The following SPATS2 variants were observed in gnomAD, a reference collection of about 807,000 sequenced individuals.
SPATS2 encodes the protein spermatogenesis associated serine rich 2.
Under a neutral mutation model 63.7 loss-of-function variants are expected in SPATS2, and 38 were observed. The observed-to-expected ratio is 0.60, with a 90% CI of 0.46 to 0.78. SPATS2 has a LOEUF of 0.78. Among genes scored for constraint, SPATS2 ranks in the 30% least tolerant of loss-of-function variants. The pLI is 0.00. For synonymous variants in SPATS2, 207 were observed against 232.9 expected (o/e 0.89, Z 1.01); for missense variants, 588 against 666.2 (o/e 0.88, Z 1.29).
At chr12:49,367,354 G>C (rs1438221793), upstream of SPATS2, 1 of 391,912 alleles carries the variant, frequency 2.6e-6, no homozygotes, top group Admixed American at 4.5e-5. Flanking sequence ...GGGGTGATCT[G>C]CTGGATCTCC....
intron 2 of SPATS2, among the ~76,000 whole-genome samples, chr12:49,454,877 C>CT (rs202124315): frequency 7.4e-6 from 1 of 135,116 alleles, no homozygotes; most frequent in Non-Finnish European, 1.6e-5. Context: ...GAGGCTCTGT[C>CT]TTTAAAAAAA....
chr12:49,514,432 A>G (rs1202273108), intron 9 of SPATS2, 123 bp from the exon 10 acceptor site: 4 of 784,516 alleles, frequency 5.1e-6, no homozygotes, highest in African/African-American at 3.5e-5. Context: ...GATCCATACA[A>G]TATTATTTTT....
chr12:49,410,414 GA>G (rs1463297706), intron 2 of SPATS2, among the ~76,000 whole-genome samples: 13 of 152,022 alleles, frequency 8.6e-5, no homozygotes. Flanking sequence ...CCATGTATCT[GA>G]AAAAAAGTTG....
intron 2 of SPATS2, among the ~76,000 whole-genome samples, chr12:49,414,497 G>A (rs922817121): frequency 6.6e-6 from 1 of 152,100 alleles, no homozygotes; most frequent in Non-Finnish European, 1.5e-5. Flanking sequence ...ATATTTATCT[G>A]GTCCTTTGCA....
intron 2 of SPATS2, among the ~76,000 whole-genome samples, chr12:49,445,024 A>G (rs1945487238): frequency 6.6e-6 from 1 of 152,198 alleles, no homozygotes. Context: ...GATTTTCTGT[A>G]TATGGGTCAT....
At chr12:49,458,189 C>T (rs1171244088) in intron 2 of SPATS2, among the ~76,000 whole-genome samples, 1 of 152,144 alleles carries the variant, frequency 6.6e-6, no homozygotes, top group African/African-American at 2.4e-5. Flanking sequence ...TATTTTTCAG[C>T]CAGGCATGGT....
At chr12:49,516,162 AAAAAATATATATAT>A (rs1946840967) in intron 10 of SPATS2, among the ~76,000 whole-genome samples, 3 of 25,108 alleles carry the variant, frequency 1.2e-4, no homozygotes, top group African/African-American at 5.8e-4. Context: ...AAAAAAAAAA[AAAAAATATATATAT>A]ATATATATAT....
chr12:49,397,151 T>A (rs1944525896), intron 2 of SPATS2, among the ~76,000 whole-genome samples: 1 of 152,180 alleles, frequency 6.6e-6, no homozygotes, highest in Non-Finnish European at 1.5e-5. Flanking sequence ...TATCATTACC[T>A]TCTCATCTTT....
chr12:49,516,757 A>G (rs1227719147), intron 10 of SPATS2, among the ~76,000 whole-genome samples: 3 of 152,094 alleles, frequency 2.0e-5, no homozygotes, highest in African/African-American at 4.8e-5. Flanking sequence ...AGCGAGGCTA[A>G]TGTAACAAAT....
chr12:49,415,302 C>G (rs1944870605), intron 2 of SPATS2, among the ~76,000 whole-genome samples: 1 of 152,142 alleles, frequency 6.6e-6, no homozygotes, highest in South Asian at 2.1e-4. Flanking sequence ...ACCTCGGCCT[C>G]CCAAAGTGCT....
chr12:49,479,753 TTATG>T lies in SPATS2; in HGVS notation c.26-4831_26-4828del, dbSNP rs527519583. Among the ~76,000 whole-genome samples, 371 of 152,290 alleles carry T rather than the reference TTATG, an allele frequency of 2.4e-3. 1 individual carries two copies. Among genetic ancestry groups the T allele is most frequent in the African/African-American group, 8.5e-3 (353 of 41,550 alleles). On this transcript the variant is annotated intron_variant, in intron 3 of 13. Transcript: ENST00000552918. ...GAATAATGTTAGTACTCAACTTACT[TTATG>T]TATGTGTAAGGAATATCAGTAGATT...
At chr12:49,440,874 T>C (rs1945406157) in intron 2 of SPATS2, among the ~76,000 whole-genome samples, 1 of 152,172 alleles carries the variant, frequency 6.6e-6, no homozygotes, top group African/African-American at 2.4e-5. Context: ...GGAATACTAT[T>C]GTAAATGATG....
At chr12:49,520,669 G>A (rs1276900843) in intron 11 of SPATS2, among the ~76,000 whole-genome samples, 2 of 152,032 alleles carry the variant, frequency 1.3e-5, no homozygotes, top group African/African-American at 4.8e-5. Context: ...TTATCTTTGA[G>A]ATGTTTGTTA....
At chr12:49,491,456 T>A (rs1165281300) in intron 6 of SPATS2, among the ~76,000 whole-genome samples, 1 of 152,122 alleles carries the variant, frequency 6.6e-6, no homozygotes, top group East Asian at 1.9e-4. Context: ...GACTCATGCC[T>A]GTAATCCCAG....
chr12:49,389,037 C>A (rs1343402603), intron 2 of SPATS2, among the ~76,000 whole-genome samples: 1 of 152,064 alleles, frequency 6.6e-6, no homozygotes, highest in South Asian at 2.1e-4. Context: ...CTTTTTTCTT[C>A]TGATTTTTAA....
chr12:49,404,163 G>A (rs1944655620), intron 2 of SPATS2, among the ~76,000 whole-genome samples: 1 of 152,144 alleles, frequency 6.6e-6, no homozygotes, highest in African/African-American at 2.4e-5. Context: ...ATTTAACGTG[G>A]TGAATGCTAT....
intron 2 of SPATS2, among the ~76,000 whole-genome samples, chr12:49,459,396 T>A (rs1044638516): frequency 6.6e-6 from 1 of 152,094 alleles, no homozygotes; most frequent in Admixed American, 6.5e-5. Context: ...TTGCCCAGGC[T>A]GGAGTGCAAT....
chr12:49,445,160 A>G (rs1331493534), intron 2 of SPATS2, among the ~76,000 whole-genome samples: 1 of 152,100 alleles, frequency 6.6e-6, no homozygotes, highest in Non-Finnish European at 1.5e-5. Flanking sequence ...ACAAGTGATG[A>G]GGTGTGCATT....
intron 2 of SPATS2, among the ~76,000 whole-genome samples, chr12:49,459,562 G>A (rs897256254): frequency 3.3e-5 from 5 of 151,652 alleles, no homozygotes; most frequent in African/African-American, 9.7e-5. Flanking sequence ...TGGTCCGGCT[G>A]GTCTTGAACT....
Sources: gnomAD v4.1 joint callset for allele counts (sites outside exome capture counted in the v4.1 genomes callset) on GRCh38, gnomAD v4.1.1 for gene constraint, MANE v1.5 for transcripts, NCBI Gene and HGNC (gene_info 2026-07-23, HGNC 2026-07-21) for gene names.